Variants in NKAIN3 observed in about 807,000 individuals in gnomAD.
NKAIN3 encodes the protein sodium/potassium transporting ATPase interacting 3.
Under a neutral mutation model 30.2 loss-of-function variants are expected in NKAIN3, and 25 were observed. That is an observed-to-expected ratio of 0.83 (90% CI 0.60 to 1.16). NKAIN3 has a LOEUF of 1.16. NKAIN3 is among the 50% of genes most tolerant of loss of function. The pLI, the probability that NKAIN3 is intolerant of heterozygous loss-of-function variation, is 0.00. For missense variants in NKAIN3, 225 were observed against 254.1 expected (o/e 0.89, Z 0.78); for synonymous variants, 91 against 89.6 (o/e 1.02, Z -0.09).
chr8:62,813,420 T>C (rs551933416), intron 4 of NKAIN3, among the ~76,000 whole-genome samples: 1 of 152,074 alleles, frequency 6.6e-6, no homozygotes, highest in East Asian at 1.9e-4. Flanking sequence ...ATTGTATCTG[T>C]AGACTGCTTT....
chr8:62,756,183 C>G (rs1816447180), intron 4 of NKAIN3, among the ~76,000 whole-genome samples: 1 of 152,154 alleles, frequency 6.6e-6, no homozygotes, highest in Admixed American at 6.5e-5. Context: ...TCACCATGGT[C>G]AATTTTAAGA....
At chr8:62,937,768 A>G (rs1822833020) in intron 5 of NKAIN3, among the ~76,000 whole-genome samples, 1 of 152,122 alleles carries the variant, frequency 6.6e-6, no homozygotes, top group Non-Finnish European at 1.5e-5. Context: ...TCTGAAAGCC[A>G]TGCTTGCTTT....
intron 1 of NKAIN3, among the ~76,000 whole-genome samples, chr8:62,424,842 C>T (rs907148349): frequency 1.3e-5 from 2 of 151,804 alleles, no homozygotes; most frequent in African/African-American, 4.8e-5. Context: ...CATATTTGCA[C>T]TCTATTAGTT....
intron 1 of NKAIN3, among the ~76,000 whole-genome samples, chr8:62,256,182 G>C (rs191705894): frequency 3.3e-5 from 5 of 151,984 alleles, no homozygotes; most frequent in African/African-American, 4.8e-5. Flanking sequence ...GGAGACTGAG[G>C]GGGGAGGATC....
At position 62,947,215 on chromosome 8, in the gene NKAIN3, G is replaced by A. The variant is rs544754549; in HGVS notation, c.533-6687G>A. ...TGATCCTAAAGATAATAAGAATGAT[G>A]ACTAAATATTCTCAAAATCTTATAA... On this transcript the variant is annotated intron_variant, in intron 5 of 6. Coordinates refer to ENST00000623646, the MANE Select transcript of NKAIN3 (RefSeq NM_001304533.3). 8.1e-4 allele frequency among the ~76,000 whole-genome samples: 124 copies of A among 152,290 alleles called. 1 individual carries two copies. The highest frequency in any genetic ancestry group is 2.9e-3 in the African/African-American group (122 of 41,568).
rs145603072 is a variant in NKAIN3, at chr8:62,999,002, C to T, written c.533-229C>T. On this transcript the variant is annotated intron_variant, in intron 5 of 5. Transcript: ENST00000519049. ...GAGCAGTTTTTCATGAACCTGTTGG[C>T]CTTTTTAAATTTTTCTTTTGAGAAA... Among the ~76,000 whole-genome samples the T allele has an allele frequency of 1.4e-4, 21 of 152,166 alleles. No homozygotes were observed. In the East Asian group the frequency reaches 2.9e-3, roughly 21 times the overall value.
chr8:62,683,447 A>G (rs564830751), intron 3 of NKAIN3, among the ~76,000 whole-genome samples: 2 of 152,350 alleles, frequency 1.3e-5, no homozygotes, highest in East Asian at 3.9e-4. Context: ...TCAAATTCTC[A>G]TGCAGCAGGA....
intron 3 of NKAIN3, among the ~76,000 whole-genome samples, chr8:62,706,491 C>T (rs1051172021): frequency 1.3e-5 from 2 of 152,026 alleles, no homozygotes; most frequent in Admixed American, 6.6e-5. Flanking sequence ...CCCTACCCTT[C>T]CCTACTGATG....
intron 1 of NKAIN3, among the ~76,000 whole-genome samples, chr8:62,375,566 A>T (rs1817051049): frequency 6.6e-6 from 1 of 152,158 alleles, no homozygotes; most frequent in African/African-American, 2.4e-5. Context: ...TTGATTCATA[A>T]GCGTAAATAC....
At chr8:62,462,677 A>G (rs548100149) in intron 1 of NKAIN3, among the ~76,000 whole-genome samples, 2 of 152,262 alleles carry the variant, frequency 1.3e-5, no homozygotes, top group African/African-American at 4.8e-5. Context: ...TAGGAGACAT[A>G]TATATATTTA....
intron 3 of NKAIN3, among the ~76,000 whole-genome samples, chr8:62,691,117 G>A (rs1198443720): frequency 1.3e-5 from 2 of 152,178 alleles, no homozygotes; most frequent in Non-Finnish European, 2.9e-5. Context: ...ACAGTTTCAA[G>A]TACGTAGTTC....
chr8:62,776,862 C>T (rs1817205769), intron 4 of NKAIN3, among the ~76,000 whole-genome samples: 1 of 152,130 alleles, frequency 6.6e-6, no homozygotes, highest in South Asian at 2.1e-4. Flanking sequence ...AATTAAACAA[C>T]TCCCTGTAGC....
intron 1 of NKAIN3, among the ~76,000 whole-genome samples, chr8:62,394,739 C>T (rs1045386447): frequency 2.8e-4 from 41 of 147,700 alleles, no homozygotes; most frequent in African/African-American, 6.8e-4. Context: ...ACTTCCCAGA[C>T]GGGGTGGCGG....
rs1205867649 is a variant in NKAIN3 at position 62,746,925 on chromosome 8, C to T, written c.274-7C>T. Reference sequence around the variant, plus strand: ...TCATTTTGCTCTTTTGTCTCCTACCCACCTAGGACACCGATCTAATGACAT... The same window carrying T: ...TCATTTTGCTCTTTTGTCTCCTACCTACCTAGGACACCGATCTAATGACAT... On this transcript the variant is annotated splice_region_variant and splice_polypyrimidine_tract_variant and intron_variant, in intron 3 of 6. Transcript: ENST00000623646. The T allele has an allele frequency of 6.3e-7, 1 of 1,586,550 alleles. No homozygotes were observed. Among genetic ancestry groups the T allele is most frequent in the Admixed American group, 1.7e-5 (1 of 59,722 alleles).
intron 3 of NKAIN3, among the ~76,000 whole-genome samples, chr8:62,703,428 C>T (rs980632469): frequency 1.3e-5 from 2 of 152,106 alleles, no homozygotes; most frequent in African/African-American, 4.8e-5. Context: ...AAATTATTCC[C>T]CAACTCCCCA....
At chr8:62,874,229 T>TAG (rs1820729032) in intron 4 of NKAIN3, among the ~76,000 whole-genome samples, 1 of 151,990 alleles carries the variant, frequency 6.6e-6, no homozygotes, top group Non-Finnish European at 1.5e-5. Flanking sequence ...CTAGACAATC[T>TAG]AGAAGAAATG....
At chr8:62,701,542 C>T (rs568501234) in intron 3 of NKAIN3, among the ~76,000 whole-genome samples, 1 of 152,136 alleles carries the variant, frequency 6.6e-6, no homozygotes, top group Non-Finnish European at 1.5e-5. Flanking sequence ...ATCCCTCCTG[C>T]GCTCAGTTTA....
At chr8:62,739,107 C>T (rs1419727427) in intron 3 of NKAIN3, among the ~76,000 whole-genome samples, 1 of 151,898 alleles carries the variant, frequency 6.6e-6, no homozygotes, top group Admixed American at 6.6e-5. Context: ...CACACCAGGG[C>T]CTGTTGGGGG....
chr8:62,805,084 C>T (rs1324535556), intron 4 of NKAIN3, among the ~76,000 whole-genome samples: 1 of 152,094 alleles, frequency 6.6e-6, no homozygotes, highest in East Asian at 1.9e-4. Context: ...CCTAGGAATC[C>T]AACCTACAAG....
Sources: allele counts gnomAD v4.1 joint callset (sites outside exome capture counted in the v4.1 genomes callset), GRCh38; gene constraint gnomAD v4.1.1; transcripts MANE v1.5; gene names NCBI Gene and HGNC (gene_info 2026-07-23, HGNC 2026-07-21).